THSD4: variants seen among roughly 807,000 people sequenced by gnomAD.
The protein encoded by THSD4 is thrombospondin type 1 domain containing 4.
In THSD4, 69 loss-of-function variants were observed where a neutral mutation model predicts 119.0. The ratio of observed to expected loss-of-function variants is 0.58; its 90% confidence interval spans 0.48 to 0.71. THSD4 has a LOEUF of 0.71. THSD4 is among the 30% of genes least tolerant of loss of function. THSD4 has a pLI of 0.00. For synonymous variants in THSD4, 524 were observed against 540.4 expected, an observed-to-expected ratio of 0.97 and a Z score of 0.42; for missense variants, 1,393 against 1,391.1, an observed-to-expected ratio of 1.00 and a Z score of -0.02.
intron 7 of THSD4, among the ~76,000 whole-genome samples, chr15:71,427,490 T>G (rs1190715489): frequency 6.6e-6 from 1 of 151,166 alleles, no homozygotes; most frequent in Non-Finnish European, 1.5e-5. Context: ...AATGGAATGT[T>G]AGGTGAAGGT....
chr15:71,532,897 G>A (rs1430546208), intron 7 of THSD4, among the ~76,000 whole-genome samples: 3 of 152,126 alleles, frequency 2.0e-5, no homozygotes, highest in Admixed American at 1.3e-4. Flanking sequence ...TTTTCCCACT[G>A]GTAATATTTT....
intron 3 of THSD4, among the ~76,000 whole-genome samples, chr15:71,200,408 G>A (rs184741704): frequency 9.2e-5 from 14 of 152,182 alleles, no homozygotes; most frequent in Admixed American, 5.2e-4. Context: ...AGCTTTTCAC[G>A]TCATCAGATG....
intron 8 of THSD4, among the ~76,000 whole-genome samples, chr15:71,693,577 G>T (rs770086384): frequency 6.6e-6 from 1 of 152,116 alleles, no homozygotes; most frequent in Non-Finnish European, 1.5e-5. Flanking sequence ...AGCCCAGGAG[G>T]TTGCAGTGAG....
At chr15:71,613,392 G>T (rs2050265527) in intron 7 of THSD4, among the ~76,000 whole-genome samples, 1 of 152,008 alleles carries the variant, frequency 6.6e-6, no homozygotes, top group African/African-American at 2.4e-5. Flanking sequence ...ATTTTTTTAA[G>T]TCCTGCAGAT....
intron 4 of THSD4, among the ~76,000 whole-genome samples, chr15:71,234,252 G>A (rs1469873543): frequency 1.3e-5 from 2 of 152,172 alleles, no homozygotes; most frequent in South Asian, 2.1e-4. Context: ...GATTTCTACT[G>A]TTCCCCAGCC....
At chr15:71,662,486 G>C (rs2051330163) in intron 8 of THSD4, among the ~76,000 whole-genome samples, 1 of 152,142 alleles carries the variant, frequency 6.6e-6, no homozygotes, top group South Asian at 2.1e-4. Context: ...TAAACATCCT[G>C]CCTCCTAGAA....
chr15:71,531,832 C>T (rs775425117), intron 7 of THSD4, among the ~76,000 whole-genome samples: 30 of 152,140 alleles, frequency 2.0e-4, no homozygotes, highest in Non-Finnish European at 3.4e-4. Flanking sequence ...ATAAGAGAAG[C>T]AGAAACTGGG....
chr15:71,738,137 G>A, intron 11 of THSD4, 130 bp downstream of exon 11: 1 of 1,260,206 alleles, frequency 7.9e-7, no homozygotes, highest in Non-Finnish European at 1.1e-6. Context: ...TTTCTCCATG[G>A]ATGGTGGCGG....
chr15:71,467,847 T>TTG (rs2047521680), intron 7 of THSD4, among the ~76,000 whole-genome samples: 2 of 150,294 alleles, frequency 1.3e-5, no homozygotes, highest in African/African-American at 2.4e-5. Context: ...ATATGATGGT[T>TTG]TTTTTTTTTT....
chr15:71,435,614 G>A (rs1380672244), intron 7 of THSD4, among the ~76,000 whole-genome samples: 6 of 152,126 alleles, frequency 3.9e-5, no homozygotes, highest in African/African-American at 7.2e-5. Context: ...AAATGGGTGC[G>A]AAAGATGCAG....
intron 16 of THSD4, among the ~76,000 whole-genome samples, chr15:71,768,319 A>G (rs2053751441): frequency 6.6e-6 from 1 of 151,616 alleles, no homozygotes; most frequent in Admixed American, 6.6e-5. Context: ...TTTAGGTCCA[A>G]CTTCCAATGT....
At chr15:71,738,242 C>G (rs1484566035) in intron 11 of THSD4, 1 of 556,876 alleles carries the variant, frequency 1.8e-6, no homozygotes, top group Non-Finnish European at 3.2e-6. Context: ...GATCCCTTGC[C>G]TGCACAGTTC....
intron 7 of THSD4, among the ~76,000 whole-genome samples, chr15:71,505,770 A>C (rs1042097943): frequency 1.3e-5 from 2 of 152,222 alleles, no homozygotes; most frequent in East Asian, 3.8e-4. Flanking sequence ...TGTAATTTGG[A>C]AAGTGTCAGA....
chr15:71,612,165 GCCTGGGAGA>G (rs1296111557), intron 7 of THSD4, among the ~76,000 whole-genome samples: 4 of 152,186 alleles, frequency 2.6e-5, no homozygotes, highest in African/African-American at 9.6e-5. Context: ...GGGCCAGGAG[GCCTGGGAGA>G]CCTTTGGAAA....
At position 71,147,535 on chromosome 15, in the gene THSD4, T is replaced by C. The variant is rs151230975; in HGVS notation, c.29+5979T>C. On this transcript the variant is annotated intron_variant, in intron 2 of 17. Coordinates refer to ENST00000261862, the MANE Select transcript of THSD4 (RefSeq NM_024817.3). ...TCTATCCTTCCATTCTTTTATTCAG[T>C]TGATATTTATTAGTCTTGAGGATGG... The C allele has an allele frequency of 2.0e-5, 3 of 152,330 alleles. No homozygotes were observed. In the East Asian group the frequency reaches 5.8e-4, roughly 29 times the overall value. 9.4% of individuals were successfully genotyped at this position (152,330 alleles called of 1,614,324 possible).
chr15:71,385,335 G>A (rs1375505944), intron 6 of THSD4, among the ~76,000 whole-genome samples: 7 of 152,180 alleles, frequency 4.6e-5, no homozygotes, highest in Non-Finnish European at 5.9e-5. Flanking sequence ...GTTCCTGGGG[G>A]TCATTGGAGT....
chr15:71,320,273 G>C (rs1275211347), intron 6 of THSD4, among the ~76,000 whole-genome samples: 2 of 152,128 alleles, frequency 1.3e-5, no homozygotes, highest in Non-Finnish European at 2.9e-5. Context: ...TAAGTTGTAA[G>C]CTCATAAAAC....
intron 8 of THSD4, among the ~76,000 whole-genome samples, chr15:71,710,125 A>C (rs1275250987): frequency 6.6e-6 from 1 of 152,246 alleles, no homozygotes; most frequent in Admixed American, 6.5e-5. Context: ...AATGCTCCAA[A>C]GTGGAAGTTT....
At chr15:71,333,347 A>G (rs1469860964) in intron 6 of THSD4, among the ~76,000 whole-genome samples, 1 of 152,028 alleles carries the variant, frequency 6.6e-6, no homozygotes, top group Non-Finnish European at 1.5e-5. Context: ...CCCCCTTGTT[A>G]CTGTCCTTGC....
Sources: allele counts gnomAD v4.1 joint callset (sites outside exome capture counted in the v4.1 genomes callset), GRCh38; gene constraint gnomAD v4.1.1; transcripts MANE v1.5; gene names NCBI Gene and HGNC (gene_info 2026-07-23, HGNC 2026-07-21).